Variants in FARP1 observed in about 807,000 individuals in gnomAD.
FARP1 encodes FERM, ARHGEF and pleckstrin domain-containing protein 1.
A neutral mutation model predicts 128.8 loss-of-function variants in FARP1; 52 were observed. The observed-to-expected ratio is 0.40, with a 90% confidence interval of 0.32 to 0.51. The LOEUF (loss-of-function observed/expected upper bound fraction) is 0.51. Ranked by LOEUF, FARP1 falls within the 20% of genes least tolerant of loss-of-function variation. The pLI, the probability that FARP1 is intolerant of heterozygous loss-of-function variation, is 0.45. For synonymous variants in FARP1, 580 were observed against 551.8 expected, an observed-to-expected ratio of 1.05 and a Z score of -0.72; for missense variants, 1,333 against 1,367.9, an observed-to-expected ratio of 0.97 and a Z score of 0.40.
At chr13:98,293,900 T>A (rs544219485) in intron 2 of FARP1, among the ~76,000 whole-genome samples, 1 of 152,318 alleles carries the variant, frequency 6.6e-6, no homozygotes, top group African/African-American at 2.4e-5. Flanking sequence ...CAACAAATCT[T>A]TTGATCATGG....
chr13:98,165,710 GTTTTTTTTTTTTTT>G (rs71111927), intron 1 of FARP1, among the ~76,000 whole-genome samples: 6 of 74,130 alleles, frequency 8.1e-5, no homozygotes, highest in South Asian at 5.7e-4. Flanking sequence ...TCCAGAAGGG[GTTTTTTTTTTTTTT>G]TTTTTTTTTT....
intron 13 of FARP1, chr13:98,396,033 G>T (rs1224211954): frequency 5.0e-6 from 2 of 399,024 alleles, no homozygotes; most frequent in Non-Finnish European, 8.8e-6. Context: ...CCTCGCCAAG[G>T]CCATACATGC....
At chr13:98,324,661 C>T (rs1469875866) in intron 2 of FARP1, among the ~76,000 whole-genome samples, 1 of 152,200 alleles carries the variant, frequency 6.6e-6, no homozygotes, top group Non-Finnish European at 1.5e-5. Context: ...TGTTGACCAC[C>T]TACCCCTGGT....
intron 2 of FARP1, among the ~76,000 whole-genome samples, chr13:98,216,562 C>A (rs1392459304): frequency 6.6e-6 from 1 of 152,108 alleles, no homozygotes; most frequent in Non-Finnish European, 1.5e-5. Context: ...ATTTCCTGGG[C>A]CTTTGCTTAT....
chr13:98,446,458 T>G, intron 25 of FARP1: 1 of 611,144 alleles, frequency 1.6e-6, no homozygotes, highest in Non-Finnish European at 2.9e-6. Context: ...GGACGGGGGT[T>G]GGCTTTATCT....
intron 2 of FARP1, among the ~76,000 whole-genome samples, chr13:98,268,929 G>A (rs1012690524): frequency 2.0e-5 from 3 of 151,074 alleles, no homozygotes; most frequent in Admixed American, 2.0e-4. Context: ...ACGAGGTTTC[G>A]CCATATTCCC....
chr13:98,210,613 G>T (rs541811278), intron 1 of FARP1, among the ~76,000 whole-genome samples: 1 of 150,860 alleles, frequency 6.6e-6, no homozygotes, highest in South Asian at 2.1e-4. Context: ...GCGGTGGCGC[G>T]ATCTTGGCTC....
intron 2 of FARP1, among the ~76,000 whole-genome samples, chr13:98,318,735 G>T (rs932013775): frequency 6.6e-6 from 1 of 152,160 alleles, no homozygotes; most frequent in African/African-American, 2.4e-5. Flanking sequence ...TCTCTTTGAT[G>T]TCTTTTGCTG....
Position 98,437,129 on chromosome 13 carries a change from C to T in FARP1, c.2274+1423C>T, listed in dbSNP as rs190064248. Among the ~76,000 whole-genome samples the T allele has an allele frequency of 5.5e-4, 83 of 152,246 alleles. 1 individual carries two copies. Among genetic ancestry groups the T allele is most frequent in the African/African-American group, 1.9e-3 (78 of 41,522 alleles). On this transcript the variant is annotated intron_variant, in intron 19 of 26. Coordinates refer to ENST00000319562, the MANE Select transcript of FARP1 (RefSeq NM_005766.4). ...ATTAATTATCTTCGTTTTCCCCCAC[C>T]TACATTTAATTGAAGAGATGAAAGG...
chr13:98,266,361 TG>T (rs1884115984), intron 2 of FARP1, among the ~76,000 whole-genome samples: 1 of 152,182 alleles, frequency 6.6e-6, no homozygotes, highest in South Asian at 2.1e-4. Context: ...TGTGTGGTCT[TG>T]GGCAGGTTTG....
chr13:98,155,977 C>T lies in FARP1; in HGVS notation c.-24+12485C>T, dbSNP rs560743308. ...GTGCTGTCTTGGAAGCTGGCTGCCA[C>T]AGGACCCTGAGGTAGCTGTGTTCAG... On this transcript the variant is annotated intron_variant, in intron 1 of 26. Transcript: ENST00000319562. 1.9e-3 allele frequency among the ~76,000 whole-genome samples: 282 copies of T among 152,336 alleles called. 2 individuals carry two copies. In the South Asian group the frequency reaches 0.028, roughly 15 times the overall value.
intron 3 of FARP1, among the ~76,000 whole-genome samples, chr13:98,359,513 GC>G (rs1430156752): frequency 2.0e-5 from 3 of 152,212 alleles, no homozygotes; most frequent in Non-Finnish European, 2.9e-5. Context: ...AGCTTGCCCT[GC>G]CTTTGATACG....
chr13:98,413,619 C>G (rs1306393534), intron 16 of FARP1, among the ~76,000 whole-genome samples: 1 of 152,176 alleles, frequency 6.6e-6, no homozygotes, highest in Non-Finnish European at 1.5e-5. Context: ...ATGACTGTGC[C>G]ACTGCACTCC....
chr13:98,440,261 C>T, intron 23 of FARP1, 26 bp downstream of exon 23: 1 of 1,535,776 alleles, frequency 6.5e-7, no homozygotes, highest in Non-Finnish European at 9.0e-7. Flanking sequence ...GCAGCTTTCC[C>T]ATGCAGGGGT....
intron 2 of FARP1, among the ~76,000 whole-genome samples, chr13:98,242,997 A>G (rs751888039): frequency 6.6e-6 from 1 of 152,202 alleles, no homozygotes; most frequent in Non-Finnish European, 1.5e-5. Context: ...TTCTGCCCCA[A>G]GACCTACTGT....
chr13:98,450,340 A>C lies in FARP1; in HGVS notation c.*2023A>C, dbSNP rs1445651261. 6.6e-6 allele frequency: 1 copy of C among 152,256 alleles called. No individual in the cohort carries two copies. Among genetic ancestry groups the C allele is most frequent in the East Asian group, 1.9e-4 (1 of 5,200 alleles). 9.4% of individuals were successfully genotyped at this position (152,256 alleles called of 1,614,324 possible). A position where few individuals can be genotyped will look rare whatever the true frequency, so the allele number is the denominator to read the frequency against. Reference sequence around the variant, plus strand: ...TGTTTTTAAAGGAGGGAAATATAAAAAATGTTTATAAACTGACAGTGTTTT... The same window carrying C: ...TGTTTTTAAAGGAGGGAAATATAAACAATGTTTATAAACTGACAGTGTTTT... On this transcript the variant is annotated 3_prime_UTR_variant, in exon 27 of 27. Transcript: ENST00000319562.
At chr13:98,341,877 A>G (rs1321781556) in intron 2 of FARP1, among the ~76,000 whole-genome samples, 1 of 152,196 alleles carries the variant, frequency 6.6e-6, no homozygotes, top group Non-Finnish European at 1.5e-5. Context: ...AAAATGCATG[A>G]ATAGTATTGA....
chr13:98,437,716 C>CCTGTA (rs1892334284), intron 19 of FARP1: 1 of 891,652 alleles, frequency 1.1e-6, no homozygotes, highest in African/African-American at 1.6e-5. Flanking sequence ...GAAAGGCAGA[C>CCTGTA]CTGTATAGCT....
Position 98,324,380 on chromosome 13 carries a change from A to G in FARP1, c.172-19382A>G, listed in dbSNP as rs1011281291. ...CTGCGCCCACTGCTTTTTGTGTAAG[A>G]TCTATTTTGTATTGGGTAACCTTGG... On this transcript the variant is annotated intron_variant, in intron 2 of 26. Coordinates refer to ENST00000319562, the MANE Select transcript of FARP1 (RefSeq NM_005766.4). Among the ~76,000 whole-genome samples the G allele has an allele frequency of 4.6e-5, 7 of 152,070 alleles. No individual in the cohort carries two copies. The South Asian group carries it at 8.3e-4, about 18-fold the overall frequency.
Sources: allele counts gnomAD v4.1 joint callset (sites outside exome capture counted in the v4.1 genomes callset), GRCh38; gene constraint gnomAD v4.1.1; transcripts MANE v1.5; gene names NCBI Gene and HGNC (gene_info 2026-07-23, HGNC 2026-07-21).